The following FAH variants were observed in gnomAD, a reference collection of about 807,000 sequenced individuals.
FAH encodes fumarylacetoacetase.
Under a neutral mutation model 55.8 loss-of-function variants are expected in FAH, and 47 were observed. That is an observed-to-expected ratio of 0.84 (90% CI 0.67 to 1.07). The LOEUF (loss-of-function observed/expected upper bound fraction) is 1.07. Among genes scored for constraint, FAH ranks in the 50% least tolerant of loss-of-function variants. The pLI is 0.00. For missense variants in FAH, 495 were observed against 545.9 expected, an observed-to-expected ratio of 0.91 and a Z score of 0.93; for synonymous variants, 199 against 207.7, an observed-to-expected ratio of 0.96 and a Z score of 0.36.
At chr15:80,182,289 A>C (rs2041337533) in intron 13 of FAH, among the ~76,000 whole-genome samples, 1 of 152,162 alleles carries the variant, frequency 6.6e-6, no homozygotes, top group African/African-American at 2.4e-5. Flanking sequence ...ACATCTCCAG[A>C]AAATTTACTA....
chr15:80,174,921 G>A (rs1431780069), intron 9 of FAH, 95 bp from the exon 10 acceptor site: 4 of 942,886 alleles, frequency 4.2e-6, no homozygotes, highest in Admixed American at 3.4e-5. Flanking sequence ...GCCTAGGGGA[G>A]CAGGTGCTGC....
chr15:80,181,181 A>G (rs746567679), intron 13 of FAH, 22 bp downstream of exon 13: 6 of 1,533,450 alleles, frequency 3.9e-6, no homozygotes, highest in Non-Finnish European at 4.5e-6. Flanking sequence ...CAAACCCAGC[A>G]GCTCGTCTTC....
chr15:80,156,326 T>C (rs2041100152), intron 1 of FAH: 1 of 155,384 alleles, frequency 6.4e-6, no homozygotes, highest in Non-Finnish European at 1.4e-5. Flanking sequence ...TAAAAACTAA[T>C]GATTAATAAT....
chr15:80,180,428 GAA>G (rs2041321447), intron 12 of FAH: 1 of 585,712 alleles, frequency 1.7e-6, no homozygotes, highest in Non-Finnish European at 3.1e-6. Context: ...ACTGGTGTGA[GAA>G]CGGAAGCCTG....
At chr15:80,168,376 T>C (rs2142098300) in intron 7 of FAH, 60 bp downstream of exon 7, 1 of 1,570,558 alleles carries the variant, frequency 6.4e-7, no homozygotes, top group South Asian at 1.1e-5. Context: ...GGAGAGCCCT[T>C]TGGGATGGCT....
At position 80,172,919 on chromosome 15, in the gene FAH, T is replaced by G. The variant is rs535828547; in HGVS notation, c.707-95T>G. 2.7e-4 allele frequency: 406 copies of G among 1,529,380 alleles called. 2 individuals carry two copies. The African/African-American group carries it at 5.0e-3, about 19-fold the overall frequency. The allele number at this position is 1,529,380 out of a possible 1,614,324, so 94.7% of individuals were successfully genotyped here. On this transcript the variant is annotated intron_variant, in intron 8 of 13. Transcript: ENST00000561421. ...CTGATCTTTGTGGAGATGGCAGTGCTAGGTGTCTCTGCTCCTTGGTCAAGG... is the reference window on the plus strand; with the variant it reads ...CTGATCTTTGTGGAGATGGCAGTGCGAGGTGTCTCTGCTCCTTGGTCAAGG...
chr15:80,181,534 C>T (rs1048889662), intron 13 of FAH, among the ~76,000 whole-genome samples: 1 of 152,128 alleles, frequency 6.6e-6, no homozygotes, highest in Non-Finnish European at 1.5e-5. Context: ...TCGCAGCAGC[C>T]TGTTCCAAGG....
intron 10 of FAH, 91 bp from the exon 11 acceptor site, chr15:80,177,446 G>A: frequency 8.9e-7 from 1 of 1,126,082 alleles, no homozygotes; most frequent in Admixed American, 1.7e-5. Flanking sequence ...TTGGACAATG[G>A]GAAGCTTCAG....
At chr15:80,169,297 C>T (rs889370208) in intron 7 of FAH, among the ~76,000 whole-genome samples, 5 of 151,932 alleles carry the variant, frequency 3.3e-5, no homozygotes, top group African/African-American at 7.2e-5. Flanking sequence ...GCAGGAGAAT[C>T]GCTTGAACTG....
intron 1 of FAH, 30 bp from the exon 2 acceptor site, chr15:80,158,030 C>A (rs1343132457): frequency 6.4e-7 from 1 of 1,553,150 alleles, no homozygotes; most frequent in Non-Finnish European, 8.9e-7. Context: ...GGGGCTTTTT[C>A]TGGTGCTGAC....
intron 5 of FAH, among the ~76,000 whole-genome samples, chr15:80,164,539 C>A (rs1423823676): frequency 1.3e-5 from 2 of 152,008 alleles, no homozygotes; most frequent in African/African-American, 4.8e-5. Context: ...AACACACACA[C>A]ACACACACGC....
In FAH at chr15:80,186,315, T is replaced by G; in HGVS notation, c.*106T>G. 1.1e-6 allele frequency: 1 copy of G among 895,076 alleles called. No individual in the cohort carries two copies. The allele number at this position is 895,076 out of a possible 1,614,324, so 55.4% of individuals were successfully genotyped here. On this transcript the variant is annotated 3_prime_UTR_variant, in exon 14 of 14. Transcript: ENST00000561421. Reference sequence around the variant, plus strand: ...GCCTGGTCCGCCATTCAGTGACAAATAAAGCCATTGTGCTCTGAGGCCTGC... The same window carrying G: ...GCCTGGTCCGCCATTCAGTGACAAAGAAAGCCATTGTGCTCTGAGGCCTGC...
intron 13 of FAH, among the ~76,000 whole-genome samples, chr15:80,182,509 C>A (rs1595898267): frequency 6.6e-6 from 1 of 152,140 alleles, no homozygotes; most frequent in Non-Finnish European, 1.5e-5. Flanking sequence ...CAATAAATAC[C>A]CATTTTGCTC....
At chr15:80,161,458 A>AT (rs150922223) in intron 4 of FAH, among the ~76,000 whole-genome samples, 208 of 145,946 alleles carry the variant, frequency 1.4e-3, no homozygotes, top group Admixed American at 1.6e-3. Flanking sequence ...AATATCCAGC[A>AT]TTTTTTTTTT....
chr15:80,161,317 C>T (rs1452043554), intron 4 of FAH, among the ~76,000 whole-genome samples: 1 of 147,056 alleles, frequency 6.8e-6, no homozygotes, highest in African/African-American at 2.5e-5. Context: ...AAAAATCTCT[C>T]AGCTATTACT....
rs576086845 is a variant in FAH at position 80,160,705 on chromosome 15, G to A, written c.364+246G>A. ...AGACTGCTCAAGTTCATGACTAGCCGCATGGCTCCCTGCACAGCAAATTGC... is the reference window on the plus strand; with the variant it reads ...AGACTGCTCAAGTTCATGACTAGCCACATGGCTCCCTGCACAGCAAATTGC... On this transcript the variant is annotated intron_variant, in intron 4 of 13. Transcript: ENST00000561421. 1.2e-4 allele frequency among the ~76,000 whole-genome samples: 18 copies of A among 152,304 alleles called. No homozygotes were observed. The East Asian group carries it at 2.9e-3, about 25-fold the overall frequency.
intron 10 of FAH, among the ~76,000 whole-genome samples, chr15:80,176,286 G>A (rs2041283472): frequency 6.6e-6 from 1 of 152,324 alleles, no homozygotes; most frequent in African/African-American, 2.4e-5. Flanking sequence ...AAAGTGCTGG[G>A]ATTACAGGCG....
At chr15:80,171,416 T>G (rs2041239758) in intron 7 of FAH, among the ~76,000 whole-genome samples, 1 of 152,212 alleles carries the variant, frequency 6.6e-6, no homozygotes, top group African/African-American at 2.4e-5. Flanking sequence ...ACACTGCATG[T>G]TCTCACTCAT....
chr15:80,153,180 G>T, intron 1 of FAH, 45 bp downstream of exon 1: 5 of 952,292 alleles, frequency 5.3e-6, no homozygotes, highest in Non-Finnish European at 6.3e-6. Flanking sequence ...AGGGAGTGGA[G>T]TGGAGTGGAG....
Sources: gnomAD v4.1 joint callset for allele counts (sites outside exome capture counted in the v4.1 genomes callset) on GRCh38, gnomAD v4.1.1 for gene constraint, MANE v1.5 for transcripts, NCBI Gene and HGNC (gene_info 2026-07-23, HGNC 2026-07-21) for gene names.